The following A2M variants were observed in gnomAD, a reference collection of about 807,000 sequenced individuals.
A2M encodes C3 and PZP-like alpha-2-macroglobulin domain-containing protein 5.
A2M carries 128 observed loss-of-function variants against 183.9 expected under a neutral mutation model. The observed-to-expected ratio is 0.70, with a 90% CI of 0.60 to 0.81. The LOEUF (loss-of-function observed/expected upper bound fraction) is 0.81, where lower values mean the gene tolerates loss of function less well. Ranked by LOEUF, A2M falls within the 30% of genes least tolerant of loss-of-function variation. The probability of loss-of-function intolerance (pLI) is 0.00; values close to 1 mark genes in which losing one functional copy is unlikely to be tolerated. For missense variants in A2M, 1,495 were observed against 1,787.6 expected (o/e 0.84, Z 2.95); for synonymous variants, 592 against 670.8 (o/e 0.88, Z 1.81).
chr12:9,101,490 C>T lies in A2M; in HGVS notation c.1451G>A (p.Gly484Glu). The change falls in exon 12 of 36, where the codon GGA becomes GAA. Residue 484 changes from glycine (G) to glutamate (E), a missense_variant. Physicochemically the swap from Gly to Glu is moderately conservative, Grantham distance 98. Coordinates refer to ENST00000318602, the MANE Select transcript of A2M (RefSeq NM_000014.6). ...CTTCTTCAGCCCCAGCAGGGTGCCT[C>T]CATTCAGAATATAATGTGCCTGGAC... is the stretch of plus-strand genomic sequence containing the variant. ...QTVQAHYILN[G>E]GTLLGLKKLS... 1 of 1,613,908 alleles carries T rather than the reference C, an allele frequency of 6.2e-7. No individual in the cohort carries two copies. The highest frequency in any genetic ancestry group is 8.5e-7 in the Non-Finnish European group (1 of 1,179,864).
intron 10 of A2M, 40 bp from the exon 11 acceptor site, chr12:9,104,440 A>G (rs576176630): frequency 3.2e-5 from 49 of 1,539,266 alleles, no homozygotes; most frequent in Non-Finnish European, 4.1e-5. Flanking sequence ...ATTGGTAATA[A>G]CTAATAGGCA....
chr12:9,106,745 C>A, intron 8 of A2M, 140 bp from the exon 9 acceptor site: 1 of 465,082 alleles, frequency 2.2e-6, no homozygotes, highest in Non-Finnish European at 3.8e-6. Context: ...TAAATATTCT[C>A]TAGCAACTAA....
intron 32 of A2M, 47 bp from the exon 33 acceptor site, chr12:9,069,860 C>A (rs185822297): frequency 3.5e-5 from 55 of 1,551,590 alleles, no homozygotes; most frequent in Admixed American, 3.4e-4. Flanking sequence ...AGATGAAACC[C>A]CTGGGGGATC....
intron 4 of A2M, chr12:9,111,575 G>C (rs1195367360): frequency 1.5e-5 from 7 of 456,004 alleles, no homozygotes; most frequent in Admixed American, 4.7e-5. Context: ...ATGAGAGAAA[G>C]AGAAACAAGA....
At position 9,076,745 on chromosome 12, in the gene A2M, T is replaced by G; in HGVS notation, c.3532+11A>C. ...GATGGGCCAGGAGAAGGATCTCAGG[T>G]GTGCTCTCACCTTTCTTCACAGCTT... On this transcript the variant is annotated intron_variant, in intron 28 of 35. Transcript: ENST00000318602. The G allele has an allele frequency of 2.5e-6, 4 of 1,613,778 alleles. No homozygotes were observed. Among genetic ancestry groups the G allele is most frequent in the Non-Finnish European group, 3.4e-6 (4 of 1,179,792 alleles).
chr12:9,090,782 G>A (rs1422986350), intron 19 of A2M, among the ~76,000 whole-genome samples: 1 of 151,538 alleles, frequency 6.6e-6, no homozygotes, highest in Admixed American at 6.6e-5. Flanking sequence ...CCATTCCCCC[G>A]GATCTCCCGG....
chr12:9,069,834 AC>A (rs1389145693), intron 32 of A2M, 21 bp from the exon 33 acceptor site: 1 of 1,610,684 alleles, frequency 6.2e-7, no homozygotes, highest in African/African-American at 1.3e-5. Context: ...TTGAAATACC[AC>A]AAATGTTAAT....
At chr12:9,077,942 G>C (rs1948796582) in intron 25 of A2M, 85 bp from the exon 26 acceptor site, 1 of 1,526,692 alleles carries the variant, frequency 6.6e-7, no homozygotes, top group South Asian at 1.2e-5. Context: ...CATATGATGT[G>C]AGTTAGCTAA....
rs1285669610 is a variant in A2M at position 9,091,299 on chromosome 12, G to A, written c.2371C>T (p.Pro791Ser). Residue 791 changes from proline to serine, a missense_variant, in exon 19 of 36, where the codon CCC becomes TCC. Pro to Ser is a moderately conservative substitution (Grantham distance 74, BLOSUM62 -1). Coordinates refer to ENST00000318602, the MANE Select transcript of A2M (RefSeq NM_000014.6). ...GGCATTGTGAGCTCCACAAAGAAGGGCTGGAAGGCTCGGAGAGAGGCAGTG... is the reference window on the plus strand; with the variant it reads ...GGCATTGTGAGCTCCACAAAGAAGGACTGGAAGGCTCGGAGAGAGGCAGTG... ...SSTASLRAFQ[P>S]FFVELTMPYS... The A allele has an allele frequency of 6.2e-7, 1 of 1,614,174 alleles. No homozygotes were observed. Among genetic ancestry groups the A allele is most frequent in the Non-Finnish European group, 8.5e-7 (1 of 1,180,036 alleles).
chr12:9,078,492 G>A (rs12371817), intron 25 of A2M, among the ~76,000 whole-genome samples: 11,300 of 152,126 alleles, frequency 0.074, 627 homozygotes, highest in Non-Finnish European at 0.11. Flanking sequence ...ATAGTGCCGC[G>A]ATAAACATAC....
At chr12:9,106,974 C>G (rs1217420660) in intron 8 of A2M, among the ~76,000 whole-genome samples, 1 of 152,152 alleles carries the variant, frequency 6.6e-6, no homozygotes, top group Non-Finnish European at 1.5e-5. Flanking sequence ...TTTAGGGTGC[C>G]TACCAACTCA....
chr12:9,112,892 A>ATT (rs1231540127), intron 2 of A2M, among the ~76,000 whole-genome samples: 1 of 152,152 alleles, frequency 6.6e-6, no homozygotes, highest in African/African-American at 2.4e-5. Flanking sequence ...AAAACCCCGT[A>ATT]TTTTACTGAC....
intron 11 of A2M, among the ~76,000 whole-genome samples, 177 bp from the exon 12 acceptor site, chr12:9,101,851 G>A (rs965729626): frequency 2.0e-5 from 3 of 152,174 alleles, no homozygotes; most frequent in African/African-American, 7.2e-5. Context: ...ATGTAGGCAT[G>A]CTTTGTGACT....
At chr12:9,079,946 G>T in intron 23 of A2M, 131 bp from the exon 24 acceptor site, 3 of 1,047,234 alleles carry the variant, frequency 2.9e-6, no homozygotes, top group Non-Finnish European at 4.0e-6. Context: ...AGGGATAGAA[G>T]TATGATTGAA....
At chr12:9,095,446 C>G in intron 16 of A2M, 93 bp downstream of exon 16, 1 of 1,250,048 alleles carries the variant, frequency 8.0e-7, no homozygotes, top group South Asian at 1.4e-5. Flanking sequence ...TTACCCTCAA[C>G]TAGGACATGA....
Position 9,113,418 on chromosome 12 carries a change from C to T in A2M, c.212G>A (p.Arg71Lys). 1 of 1,613,848 alleles carries T rather than the reference C, an allele frequency of 6.2e-7. No individual in the cohort carries two copies. The change falls in exon 2 of 36, where the codon AGG becomes AAG. Residue 71 changes from arginine (R) to lysine (K), a missense_variant. Physicochemically the swap from Arg to Lys is conservative, Grantham distance 26. Transcript: ENST00000318602. ...SASLESVRGNRSLFTDLEAEN... is the reference protein window; with the variant it reads ...SASLESVRGNKSLFTDLEAEN... ...CGCCTCCAGGTCAGTGAAGAGGCTCCTGTTTCCCCTGACAGACTCCAAGGA... is the reference window on the plus strand; with the variant it reads ...CGCCTCCAGGTCAGTGAAGAGGCTCTTGTTTCCCCTGACAGACTCCAAGGA...
chr12:9,098,347 T>C (rs1949447222), intron 15 of A2M: 1 of 192,312 alleles, frequency 5.2e-6, no homozygotes, highest in Admixed American at 6.1e-5. Context: ...TTAATTTTCA[T>C]CACATTTTGT....
intron 22 of A2M, among the ~76,000 whole-genome samples, chr12:9,080,934 A>G (rs569890718): frequency 2.0e-5 from 3 of 152,194 alleles, no homozygotes; most frequent in Non-Finnish European, 4.4e-5. Flanking sequence ...TGCTTGACTC[A>G]CTGAAAATAA....
intron 11 of A2M, 38 bp downstream of exon 11, chr12:9,104,201 G>C (rs767448495): frequency 4.4e-6 from 7 of 1,590,672 alleles, no homozygotes; most frequent in South Asian, 1.2e-5. Context: ...TGTTTCCAAG[G>C]CTACTTCATG....
Sources: gnomAD v4.1 joint callset for allele counts (sites outside exome capture counted in the v4.1 genomes callset) on GRCh38, gnomAD v4.1.1 for gene constraint, MANE v1.5 for transcripts, NCBI Gene and HGNC (gene_info 2026-07-23, HGNC 2026-07-21) for gene names.